Variants in COL19A1 observed in about 807,000 individuals in gnomAD.
COL19A1 encodes the protein collagen type XIX alpha 1 chain.
Under a neutral mutation model 190.2 loss-of-function variants are expected in COL19A1, and 159 were observed. The ratio of observed to expected loss-of-function variants is 0.84; its 90% CI spans 0.73 to 0.95. The LOEUF is 0.95. COL19A1 is among the 40% of genes least tolerant of loss of function. COL19A1 has a pLI of 0.00. For synonymous variants in COL19A1, 509 were observed against 458.9 expected, an observed-to-expected ratio of 1.11 and a Z score of -1.39; for missense variants, 1,418 against 1,431.9, an observed-to-expected ratio of 0.99 and a Z score of 0.16.
chr6:70,143,974 T>G (rs1198057605), intron 23 of COL19A1, among the ~76,000 whole-genome samples: 1 of 152,118 alleles, frequency 6.6e-6, no homozygotes, highest in Non-Finnish European at 1.5e-5. Context: ...AGACGTTCGG[T>G]TCAATTCGAC....
At chr6:69,937,020 A>C (rs2150020592) in intron 8 of COL19A1, 110 bp downstream of exon 8, 1 of 1,421,938 alleles carries the variant, frequency 7.0e-7, no homozygotes, top group East Asian at 2.3e-5. Flanking sequence ...GTGTTTGTTG[A>C]AGTAAATACC....
intron 4 of COL19A1, among the ~76,000 whole-genome samples, chr6:69,905,456 G>T (rs1395851689): frequency 6.6e-6 from 1 of 152,168 alleles, no homozygotes; most frequent in Non-Finnish European, 1.5e-5. Flanking sequence ...GCATGAGTGA[G>T]CTGAGCCGTG....
At chr6:69,935,064 T>C (rs1773012060) in intron 7 of COL19A1, among the ~76,000 whole-genome samples, 1 of 152,010 alleles carries the variant, frequency 6.6e-6, no homozygotes, top group Non-Finnish European at 1.5e-5. Context: ...TAAAGATGCT[T>C]CTTTGTTTCT....
intron 2 of COL19A1, among the ~76,000 whole-genome samples, chr6:69,893,867 C>G (rs1382255937): frequency 1.3e-5 from 2 of 152,162 alleles, no homozygotes; most frequent in Admixed American, 1.3e-4. Flanking sequence ...TTAGCCTGAA[C>G]ATTCTTTTCC....
At chr6:70,023,132 TA>T (rs371211290) in intron 11 of COL19A1, among the ~76,000 whole-genome samples, 11,205 of 143,424 alleles carry the variant, frequency 0.078, 522 homozygotes, top group East Asian at 0.19. Context: ...TTTATGCAGC[TA>T]TTTTTTTTTT....
At chr6:69,926,826 C>A (rs1353198157) in intron 4 of COL19A1, among the ~76,000 whole-genome samples, 4 of 152,006 alleles carry the variant, frequency 2.6e-5, no homozygotes, top group African/African-American at 9.7e-5. Flanking sequence ...ACATGATAAC[C>A]AAACTGCCAA....
chr6:70,050,178 G>T (rs1051232911), intron 14 of COL19A1, among the ~76,000 whole-genome samples: 2 of 151,976 alleles, frequency 1.3e-5, no homozygotes, highest in Non-Finnish European at 2.9e-5. Context: ...TATATGTAAA[G>T]ATTTTAGAAC....
In COL19A1 at chr6:70,188,243, C is replaced by G. The variant is rs752645543; in HGVS notation, c.3025C>G (p.Pro1009Ala). 4.4e-6 allele frequency: 7 copies of G among 1,607,938 alleles called. No individual in the cohort carries two copies. Among genetic ancestry groups the G allele is most frequent in the Non-Finnish European group, 5.9e-6 (7 of 1,178,174 alleles). Reference sequence around the variant, plus strand: ...AGGCTCTCCAGGCATCCCTGGCATTCCGGTAAGTAGTGCTAAGACGCTTTA... The same window carrying G: ...AGGCTCTCCAGGCATCCCTGGCATTGCGGTAAGTAGTGCTAAGACGCTTTA... ...PPGSPGIPGI[P>A]ADAVSFEEIK... The change falls in exon 47 of 51, where the codon CCG (proline) becomes GCG (alanine). Residue 1009 changes from proline (P) to alanine (A), a missense_variant and splice_region_variant. Coordinates refer to ENST00000620364, the MANE Select transcript of COL19A1 (RefSeq NM_001858.6).
At chr6:69,867,947 C>T (rs1767579141) in intron 1 of COL19A1, among the ~76,000 whole-genome samples, 1 of 151,928 alleles carries the variant, frequency 6.6e-6, no homozygotes, top group Admixed American at 6.5e-5. Context: ...ATAAATTGCG[C>T]CACCTCCCTC....
At chr6:70,136,230 G>T (rs563259129) in intron 18 of COL19A1, among the ~76,000 whole-genome samples, 54 of 152,220 alleles carry the variant, frequency 3.5e-4, no homozygotes, top group African/African-American at 1.2e-3. Flanking sequence ...ATAAAAATAA[G>T]CCAAAGATTT....
intron 46 of COL19A1, among the ~76,000 whole-genome samples, chr6:70,186,788 A>G (rs1205604040): frequency 6.6e-6 from 1 of 152,198 alleles, no homozygotes; most frequent in Non-Finnish European, 1.5e-5. Context: ...AAAAAACAGC[A>G]TCAAGCAAAC....
chr6:69,924,896 G>A (rs1401256994), intron 4 of COL19A1, among the ~76,000 whole-genome samples: 4 of 152,146 alleles, frequency 2.6e-5, no homozygotes, highest in Non-Finnish European at 5.9e-5. Context: ...TTTGAGAAGT[G>A]TCTGTTCACA....
chr6:69,877,632 A>G (rs1031913236), intron 1 of COL19A1, among the ~76,000 whole-genome samples: 4 of 152,138 alleles, frequency 2.6e-5, no homozygotes. Context: ...GGAAAAACAG[A>G]CTTGTGAATA....
chr6:70,042,484 G>C (rs971015707), intron 14 of COL19A1, among the ~76,000 whole-genome samples: 2 of 152,154 alleles, frequency 1.3e-5, no homozygotes, highest in African/African-American at 4.8e-5. Flanking sequence ...ATGATCATCT[G>C]AGCCTTCAGT....
At chr6:70,050,543 G>A (rs1050865550) in intron 14 of COL19A1, among the ~76,000 whole-genome samples, 2 of 151,936 alleles carry the variant, frequency 1.3e-5, no homozygotes, top group African/African-American at 2.4e-5. Flanking sequence ...TTCTTCATAG[G>A]TAGAGGAAAC....
At chr6:69,943,444 C>T (rs1016295008) in intron 9 of COL19A1, among the ~76,000 whole-genome samples, 8 of 151,974 alleles carry the variant, frequency 5.3e-5, no homozygotes, top group Non-Finnish European at 1.2e-4. Flanking sequence ...GCTTTGGTTG[C>T]CTGTGCTCTT....
intron 16 of COL19A1, among the ~76,000 whole-genome samples, chr6:70,105,727 A>G (rs901462680): frequency 6.6e-6 from 1 of 152,200 alleles, no homozygotes; most frequent in Non-Finnish European, 1.5e-5. Context: ...TCTAATTGTT[A>G]CTGGAGTTAG....
At chr6:70,043,197 T>C (rs117665278) in intron 14 of COL19A1, among the ~76,000 whole-genome samples, 7 of 149,406 alleles carry the variant, frequency 4.7e-5, no homozygotes, top group Non-Finnish European at 7.5e-5. Context: ...CTTCTTCTTT[T>C]TTTTTTTTTT....
At chr6:69,879,823 G>A (rs1768396845) in intron 2 of COL19A1, 165 bp downstream of exon 2, 1 of 646,216 alleles carries the variant, frequency 1.5e-6, no homozygotes, top group Non-Finnish European at 2.6e-6. Context: ...TGCACATTAG[G>A]AATTCCTAAA....
Sources: allele counts gnomAD v4.1 joint callset (sites outside exome capture counted in the v4.1 genomes callset), GRCh38; gene constraint gnomAD v4.1.1; transcripts MANE v1.5; gene names NCBI Gene and HGNC (gene_info 2026-07-23, HGNC 2026-07-21).